Variants in ADK observed in about 807,000 individuals in gnomAD.
The protein encoded by ADK is N6,N6-dimethyladenosine kinase.
A neutral mutation model predicts 44.7 loss-of-function variants in ADK; 24 were observed. The ratio of observed to expected loss-of-function variants is 0.54; its 90% CI spans 0.39 to 0.76. The LOEUF (loss-of-function observed/expected upper bound fraction) is 0.76, where lower values mean the gene tolerates loss of function less well. Ranked by LOEUF, ADK falls within the 30% of genes least tolerant of loss-of-function variation. The pLI, the probability that ADK is intolerant of heterozygous loss-of-function variation, is 0.00. For synonymous variants in ADK, 128 were observed against 142.6 expected, an observed-to-expected ratio of 0.90 and a Z score of 0.73; for missense variants, 321 against 425.1, an observed-to-expected ratio of 0.76 and a Z score of 2.15.
intron 6 of ADK, among the ~76,000 whole-genome samples, chr10:74,408,307 A>G (rs1252090136): frequency 2.0e-5 from 3 of 152,022 alleles, no homozygotes; most frequent in East Asian, 1.9e-4. Context: ...TTTGAATTTG[A>G]TAATAACTAT....
intron 7 of ADK, among the ~76,000 whole-genome samples, chr10:74,551,865 T>G (rs1470264034): frequency 6.6e-6 from 1 of 152,166 alleles, no homozygotes; most frequent in Admixed American, 6.5e-5. Flanking sequence ...AGGATACCAG[T>G]ATTCAAGTCC....
intron 6 of ADK, among the ~76,000 whole-genome samples, chr10:74,468,764 C>T (rs1381671820): frequency 1.3e-5 from 2 of 152,070 alleles, no homozygotes; most frequent in Non-Finnish European, 2.9e-5. Flanking sequence ...AAATAAATGG[C>T]ATTATGAATC....
intron 7 of ADK, among the ~76,000 whole-genome samples, chr10:74,578,010 C>T (rs1229047540): frequency 2.6e-5 from 4 of 151,808 alleles, no homozygotes; most frequent in East Asian, 1.9e-4. Context: ...GAGTAAGTTA[C>T]GGCCATTAGA....
intron 4 of ADK, among the ~76,000 whole-genome samples, chr10:74,345,322 A>G (rs1841728400): frequency 6.7e-6 from 1 of 148,268 alleles, no homozygotes; most frequent in East Asian, 2.0e-4. Context: ...TTTTTTTCCC[A>G]GACAGGGTCT....
At chr10:74,372,186 A>G in intron 4 of ADK, 1 of 757,664 alleles carries the variant, frequency 1.3e-6, no homozygotes, top group East Asian at 2.4e-5. Flanking sequence ...TGCTGCTGAA[A>G]AGGCTGTGAC....
At chr10:74,355,339 C>T (rs1013151313) in intron 4 of ADK, among the ~76,000 whole-genome samples, 1 of 152,196 alleles carries the variant, frequency 6.6e-6, no homozygotes, top group Non-Finnish European at 1.5e-5. Flanking sequence ...TTAAAAACTT[C>T]TCTGCTGCCT....
chr10:74,246,720 C>A (rs1845428784), intron 3 of ADK, among the ~76,000 whole-genome samples: 1 of 152,126 alleles, frequency 6.6e-6, no homozygotes, highest in South Asian at 2.1e-4. Context: ...GTTTGGTGAG[C>A]ATGGGTGACT....
chr10:74,440,257 C>T (rs961711395), intron 6 of ADK, among the ~76,000 whole-genome samples: 2 of 152,006 alleles, frequency 1.3e-5, no homozygotes, highest in Non-Finnish European at 2.9e-5. Context: ...CTCTCAGTAG[C>T]CTTCTGAGTT....
chr10:74,506,961 C>T (rs1188673491), intron 6 of ADK, among the ~76,000 whole-genome samples: 1 of 152,230 alleles, frequency 6.6e-6, no homozygotes, highest in East Asian at 1.9e-4. Context: ...AAAATTTTTA[C>T]ACACAAGTGG....
chr10:74,259,120 T>C (rs1423458224), intron 3 of ADK, among the ~76,000 whole-genome samples: 2 of 151,898 alleles, frequency 1.3e-5, no homozygotes, highest in Non-Finnish European at 2.9e-5. Context: ...AATTTTTGTA[T>C]TTTTAGTAGA....
chr10:74,151,940 A>G (rs192953214), intron 1 of ADK, among the ~76,000 whole-genome samples: 5 of 152,308 alleles, frequency 3.3e-5, no homozygotes, highest in Admixed American at 3.3e-4. Context: ...ACTTTTTGGC[A>G]GCAACGGGGA....
chr10:74,228,474 T>G (rs1211914711), intron 3 of ADK, among the ~76,000 whole-genome samples: 2 of 152,186 alleles, frequency 1.3e-5, no homozygotes, highest in East Asian at 3.8e-4. Context: ...TAAAATAAAT[T>G]AGGAAAACAT....
At chr10:74,479,963 A>G (rs1220650307) in intron 6 of ADK, among the ~76,000 whole-genome samples, 5 of 152,098 alleles carry the variant, frequency 3.3e-5, no homozygotes, top group Admixed American at 1.3e-4. Flanking sequence ...AGGTTTACCA[A>G]CAACAGTCCT....
intron 8 of ADK, among the ~76,000 whole-genome samples, chr10:74,591,411 G>T (rs1021455570): frequency 6.6e-6 from 1 of 152,150 alleles, no homozygotes; most frequent in Non-Finnish European, 1.5e-5. Context: ...GTCTTGATGT[G>T]TCTCTTCGTA....
intron 9 of ADK, among the ~76,000 whole-genome samples, chr10:74,660,460 T>C (rs923450659): frequency 2.0e-5 from 3 of 152,070 alleles, no homozygotes; most frequent in Admixed American, 6.6e-5. Flanking sequence ...AAAATTGGCC[T>C]GGCACAGTGG....
chr10:74,515,513 G>A (rs1310049792), intron 6 of ADK, among the ~76,000 whole-genome samples: 1 of 152,194 alleles, frequency 6.6e-6, no homozygotes, highest in African/African-American at 2.4e-5. Context: ...GGGGACGTGG[G>A]CTTTTGGCCA....
intron 7 of ADK, among the ~76,000 whole-genome samples, chr10:74,587,222 AT>A (rs368928451): frequency 2.6e-5 from 4 of 152,284 alleles, no homozygotes; most frequent in South Asian, 4.1e-4. Context: ...ACCTTTTCCT[AT>A]TCCTTGATAT....
rs1564856904 is a variant in ADK, at chr10:74,695,622, GTGT to G, written c.965-12698_965-12696del. On this transcript the variant is annotated intron_variant, in intron 10 of 10. Coordinates refer to ENST00000539909, the MANE Select transcript of ADK (RefSeq NM_006721.4). ...TACAATTCCTGTGTATGTGTGGGGT[GTGT>G]GTGTGTGTGTGTGTGTGTGTGTGTG... Among the ~76,000 whole-genome samples, 332 of 39,856 alleles carry G rather than the reference GTGT, an allele frequency of 8.3e-3. 2 individuals are homozygous for G. The highest frequency in any genetic ancestry group is 0.022 in the Admixed American group (103 of 4,718). 26.1% of individuals were successfully genotyped at this position (39,856 alleles called of 152,430 possible).
chr10:74,337,573 T>C (rs1363589940), intron 4 of ADK, among the ~76,000 whole-genome samples: 3 of 152,192 alleles, frequency 2.0e-5, no homozygotes, highest in South Asian at 2.1e-4. Context: ...TCAAAGTGAA[T>C]AGCTTTAATC....
Sources: gnomAD v4.1 joint callset for allele counts (sites outside exome capture counted in the v4.1 genomes callset) on GRCh38, gnomAD v4.1.1 for gene constraint, MANE v1.5 for transcripts, NCBI Gene and HGNC (gene_info 2026-07-23, HGNC 2026-07-21) for gene names.